The following SKIL variants were observed in gnomAD, a reference collection of about 807,000 sequenced individuals.
The protein encoded by SKIL is SKI like proto-oncogene.
In SKIL, 20 loss-of-function variants were observed where a neutral mutation model predicts 69.6. That is an observed-to-expected ratio of 0.29 (90% confidence interval 0.20 to 0.42). SKIL has a LOEUF of 0.42. Among genes scored for constraint, SKIL ranks in the 10% least tolerant of loss-of-function variants. The pLI, the probability that SKIL is intolerant of heterozygous loss-of-function variation, is 1.00. For synonymous variants in SKIL, 310 were observed against 279.9 expected, an observed-to-expected ratio of 1.11 and a Z score of -1.08; for missense variants, 745 against 783.1, an observed-to-expected ratio of 0.95 and a Z score of 0.58.
At position 170,369,668 on chromosome 3, in the gene SKIL, C is replaced by G. The variant is rs570025989; in HGVS notation, c.1098+8239C>G. Among the ~76,000 whole-genome samples, 163 of 152,124 alleles carry G rather than the reference C, an allele frequency of 1.1e-3. 1 individual carries two copies. Among genetic ancestry groups the G allele is most frequent in the African/African-American group, 3.6e-3 (148 of 41,546 alleles). ...CTGCCTGTCTCAGCCTCCCAAAGTG[C>G]TGGGATTACAGGCGTGAGCCACCGC... On this transcript the variant is annotated intron_variant, in intron 2 of 6. Transcript: ENST00000259119.
At chr3:170,380,933 A>G (rs1203045855) in intron 2 of SKIL, among the ~76,000 whole-genome samples, 2 of 151,020 alleles carry the variant, frequency 1.3e-5, no homozygotes, top group African/African-American at 4.9e-5. Flanking sequence ...GGCTCAAGGG[A>G]TTCTCCCACC....
rs190485617 is a variant in SKIL at position 170,381,819 on chromosome 3, T to C, written c.1196+478T>C. On this transcript the variant is annotated intron_variant, in intron 3 of 6. Transcript: ENST00000259119. ...AAATTAGGCTGGGCGCGGTGGCTCA[T>C]GCCTGTAATCCCAGCACTTTGGGAG... Among the ~76,000 whole-genome samples the C allele has an allele frequency of 2.0e-5, 3 of 150,796 alleles. No individual in the cohort carries two copies. The East Asian group carries it at 6.1e-4, about 30-fold the overall frequency.
At position 170,382,718 on chromosome 3, in the gene SKIL, AT is replaced by A. The variant is rs35647654; in HGVS notation, c.1196+1395del. 2.7e-3 allele frequency among the ~76,000 whole-genome samples: 332 copies of A among 123,036 alleles called. 1 individual carries two copies. Among genetic ancestry groups the A allele is most frequent in the African/African-American group, 6.7e-3 (214 of 31,800 alleles). 80.7% of individuals were successfully genotyped at this position (123,036 alleles called of 152,430 possible). On this transcript the variant is annotated intron_variant, in intron 3 of 6. Coordinates refer to ENST00000259119, the MANE Select transcript of SKIL (RefSeq NM_005414.5). ...GCCACCGCCCCGAGCCGCAACTTCAATTTTTTTTTTTTTTTTTTGAGATGGA... is the reference window on the plus strand; with the variant it reads ...GCCACCGCCCCGAGCCGCAACTTCAATTTTTTTTTTTTTTTTTGAGATGGA...
At chr3:170,376,474 G>GT (rs1737039888) in intron 2 of SKIL, among the ~76,000 whole-genome samples, 2 of 152,034 alleles carry the variant, frequency 1.3e-5, no homozygotes, top group South Asian at 2.1e-4. Context: ...AAAGCATTGT[G>GT]TTTTTTTAAA....
At chr3:170,390,136 T>C in intron 4 of SKIL, 87 bp from the exon 5 acceptor site, 1 of 958,928 alleles carries the variant, frequency 1.0e-6, no homozygotes, top group Non-Finnish European at 1.6e-6. Flanking sequence ...AATGAAATGT[T>C]TTAAAAATTA....
At chr3:170,366,524 A>G (rs1736521392) in intron 2 of SKIL, among the ~76,000 whole-genome samples, 1 of 152,094 alleles carries the variant, frequency 6.6e-6, no homozygotes, top group Non-Finnish European at 1.5e-5. Context: ...TACTGAAAAT[A>G]CAAAAGTTAG....
At chr3:170,386,561 C>T (rs1451547392) in intron 4 of SKIL, among the ~76,000 whole-genome samples, 3 of 152,108 alleles carry the variant, frequency 2.0e-5, no homozygotes, top group South Asian at 2.1e-4. Context: ...CTTCAAATTG[C>T]TGGGCTCATA....
intron 2 of SKIL, among the ~76,000 whole-genome samples, chr3:170,364,746 T>A (rs1736420836): frequency 6.6e-6 from 1 of 152,070 alleles, no homozygotes; most frequent in Admixed American, 6.5e-5. Context: ...AAAAAAAAGA[T>A]GATGGATTAA....
At chr3:170,366,407 C>G (rs576027567) in intron 2 of SKIL, among the ~76,000 whole-genome samples, 1 of 151,970 alleles carries the variant, frequency 6.6e-6, no homozygotes, top group South Asian at 2.1e-4. Flanking sequence ...AGGCCAGGCG[C>G]GGTGGCTCAT....
intron 5 of SKIL, among the ~76,000 whole-genome samples, chr3:170,390,725 C>G (rs1737870089): frequency 6.6e-6 from 1 of 152,212 alleles, no homozygotes; most frequent in South Asian, 2.1e-4. Context: ...TGTGATCCAC[C>G]AGCCTTGGCC....
intron 2 of SKIL, among the ~76,000 whole-genome samples, chr3:170,376,943 T>C (rs936986259): frequency 2.6e-5 from 4 of 152,188 alleles, no homozygotes; most frequent in African/African-American, 9.7e-5. Flanking sequence ...ACAATTGAGA[T>C]ATATTAAATT....
At chr3:170,384,104 G>T (rs948493221) in intron 3 of SKIL, among the ~76,000 whole-genome samples, 2 of 151,248 alleles carry the variant, frequency 1.3e-5, no homozygotes, top group African/African-American at 4.9e-5. Flanking sequence ...TAATCCTAGT[G>T]CTTTGGGAGT....
At chr3:170,386,888 T>G (rs894164145) in intron 4 of SKIL, among the ~76,000 whole-genome samples, 1 of 152,222 alleles carries the variant, frequency 6.6e-6, no homozygotes, top group Non-Finnish European at 1.5e-5. Flanking sequence ...TTCTAATGAC[T>G]TCTAAAAAAT....
chr3:170,382,659 G>A (rs58569895), intron 3 of SKIL, among the ~76,000 whole-genome samples: 3,460 of 149,092 alleles, frequency 0.023, 139 homozygotes, highest in African/African-American at 0.08. Context: ...GCCAGCCTTG[G>A]CCTCCCAAAG....
At chr3:170,382,740 A>T (rs1320666687) in intron 3 of SKIL, among the ~76,000 whole-genome samples, 2 of 121,370 alleles carry the variant, frequency 1.6e-5, no homozygotes, top group Non-Finnish European at 1.7e-5. Flanking sequence ...TTTTTTTGAG[A>T]TGGAGTCTCG....
At chr3:170,390,198 GT>G (rs1737840942) in intron 4 of SKIL, 24 bp from the exon 5 acceptor site, 2 of 1,552,280 alleles carry the variant, frequency 1.3e-6, no homozygotes, top group East Asian at 4.5e-5. Context: ...TTCATACTTT[GT>G]TACTTGATTT....
At chr3:170,365,280 G>A (rs184476844) in intron 2 of SKIL, among the ~76,000 whole-genome samples, 5 of 152,138 alleles carry the variant, frequency 3.3e-5, no homozygotes, top group African/African-American at 1.2e-4. Flanking sequence ...TGCCCCTGAA[G>A]CACATGTTAG....
At chr3:170,368,595 A>G (rs187626170) in intron 2 of SKIL, among the ~76,000 whole-genome samples, 111 of 152,324 alleles carry the variant, frequency 7.3e-4, no homozygotes, top group African/African-American at 2.5e-3. Flanking sequence ...GTAGGATGGT[A>G]TTTCAAACTA....
At chr3:170,387,770 A>AAAAAAAAAAAAC in intron 4 of SKIL, among the ~76,000 whole-genome samples, 1 of 134,436 alleles carries the variant, frequency 7.4e-6, no homozygotes, top group African/African-American at 2.6e-5. Context: ...AAAAAAAAAA[A>AAAAAAAAAAAAC]AAAATACAAA....
Sources: gnomAD v4.1 joint callset for allele counts (sites outside exome capture counted in the v4.1 genomes callset) on GRCh38, gnomAD v4.1.1 for gene constraint, MANE v1.5 for transcripts, NCBI Gene and HGNC (gene_info 2026-07-23, HGNC 2026-07-21) for gene names.